The following EDIL3 variants were observed in gnomAD, a reference collection of about 807,000 sequenced individuals.
EDIL3 encodes EGF like and discoidin domains 3, also known as EGF-like repeat and discoidin I-like domain-containing protein 3.
In EDIL3, 37 loss-of-function variants were observed where a neutral mutation model predicts 67.4. That is an observed-to-expected ratio of 0.55 (90% CI 0.42 to 0.72). The LOEUF (loss-of-function observed/expected upper bound fraction) is 0.72, where lower values mean the gene tolerates loss of function less well. Among genes scored for constraint, EDIL3 ranks in the 30% least tolerant of loss-of-function variants. The pLI, the probability that EDIL3 is intolerant of heterozygous loss-of-function variation, is 0.00. For synonymous variants in EDIL3, 195 were observed against 196.3 expected (o/e 0.99, Z 0.05); for missense variants, 527 against 586.3 (o/e 0.90, Z 1.04).
At chr5:84,296,325 A>G (rs1746050325) in intron 1 of EDIL3, among the ~76,000 whole-genome samples, 1 of 152,142 alleles carries the variant, frequency 6.6e-6, no homozygotes, top group Non-Finnish European at 1.5e-5. Flanking sequence ...TCAATTTTAG[A>G]TAGGTATTTT....
intron 1 of EDIL3, among the ~76,000 whole-genome samples, chr5:84,380,194 G>C (rs1748045762): frequency 6.6e-6 from 1 of 151,790 alleles, no homozygotes; most frequent in South Asian, 2.1e-4. Context: ...TCATTACATG[G>C]ACTATGATAA....
chr5:84,061,600 C>A (rs1264714846), intron 8 of EDIL3, among the ~76,000 whole-genome samples: 1 of 152,124 alleles, frequency 6.6e-6, no homozygotes, highest in Non-Finnish European at 1.5e-5. Flanking sequence ...AGCTGTGTAG[C>A]CTTGCCCTGT....
chr5:84,267,862 C>T (rs910543229), intron 1 of EDIL3, among the ~76,000 whole-genome samples: 1 of 152,226 alleles, frequency 6.6e-6, no homozygotes, highest in Admixed American at 6.5e-5. Flanking sequence ...AAAGGCCAGG[C>T]TCTGTGGCTC....
At chr5:84,254,310 CA>C in intron 1 of EDIL3, 98 bp from the exon 2 acceptor site, 2 of 1,326,912 alleles carry the variant, frequency 1.5e-6, no homozygotes, top group Non-Finnish European at 2.0e-6. Flanking sequence ...TTGGCAAAGT[CA>C]AAAGTCAGGG....
intron 4 of EDIL3, among the ~76,000 whole-genome samples, chr5:84,173,077 G>T (rs542798022): frequency 1.3e-5 from 2 of 152,296 alleles, no homozygotes; most frequent in Admixed American, 1.3e-4. Flanking sequence ...CAGAAGATAG[G>T]ATCTGAGAAG....
At chr5:84,104,403 AG>A (rs1173196964) in intron 6 of EDIL3, among the ~76,000 whole-genome samples, 3 of 152,004 alleles carry the variant, frequency 2.0e-5, no homozygotes, top group African/African-American at 7.2e-5. Flanking sequence ...AAAAAAAAAA[AG>A]AAAATTGGTA....
intron 1 of EDIL3, among the ~76,000 whole-genome samples, chr5:84,271,934 A>T (rs982311162): frequency 1.3e-5 from 2 of 152,138 alleles, no homozygotes; most frequent in Middle Eastern, 3.2e-3. Flanking sequence ...TTTTCTCAGA[A>T]GATTTTCTCG....
At chr5:84,196,281 A>T (rs571231631) in intron 3 of EDIL3, among the ~76,000 whole-genome samples, 1 of 152,120 alleles carries the variant, frequency 6.6e-6, no homozygotes, top group Admixed American at 6.6e-5. Context: ...CTTTGATTAC[A>T]GGGAACTGGC....
At chr5:84,107,373 T>C (rs1012464874) in intron 5 of EDIL3, among the ~76,000 whole-genome samples, 2 of 151,966 alleles carry the variant, frequency 1.3e-5, no homozygotes, top group Non-Finnish European at 2.9e-5. Flanking sequence ...GGTAAATCTG[T>C]TAACATTTAA....
At chr5:84,175,062 G>A (rs1168261322) in intron 4 of EDIL3, among the ~76,000 whole-genome samples, 7 of 152,074 alleles carry the variant, frequency 4.6e-5, no homozygotes, top group African/African-American at 7.2e-5. Context: ...TTCTGTAGGC[G>A]GTGGCAGTTC....
intron 2 of EDIL3, among the ~76,000 whole-genome samples, chr5:84,251,598 T>C (rs1432239819): frequency 6.6e-6 from 1 of 152,106 alleles, no homozygotes; most frequent in Non-Finnish European, 1.5e-5. Context: ...CAAGAAAATA[T>C]GAAGCTAAGA....
intron 1 of EDIL3, among the ~76,000 whole-genome samples, chr5:84,340,690 T>A (rs1371528517): frequency 6.6e-6 from 1 of 151,568 alleles, no homozygotes; most frequent in Non-Finnish European, 1.5e-5. Context: ...CATTGTTCCC[T>A]CACACCTGCA....
At chr5:84,011,672 C>T (rs545399867) in intron 9 of EDIL3, among the ~76,000 whole-genome samples, 17 of 152,264 alleles carry the variant, frequency 1.1e-4, no homozygotes, top group South Asian at 4.1e-4. Context: ...CTGACTTTCT[C>T]GCACTGCTCT....
intron 1 of EDIL3, among the ~76,000 whole-genome samples, chr5:84,265,693 T>C (rs1025933759): frequency 1.2e-4 from 18 of 152,346 alleles, no homozygotes; most frequent in African/African-American, 4.3e-4. Context: ...CAAATCACTT[T>C]GATAAGGCAC....
rs189354970 is a variant in EDIL3 at position 84,019,096 on chromosome 5, A to G, written c.1137+41204T>C. On this transcript the variant is annotated intron_variant, in intron 9 of 10. Coordinates refer to ENST00000296591, the MANE Select transcript of EDIL3 (RefSeq NM_005711.5). ...TGCTGCTATAAAGACACATGCACACATATGTTTATTGCGGCACTATTCAGA... is the reference window on the plus strand; with the variant it reads ...TGCTGCTATAAAGACACATGCACACGTATGTTTATTGCGGCACTATTCAGA... Among the ~76,000 whole-genome samples, 322 of 152,262 alleles carry G rather than the reference A, an allele frequency of 2.1e-3. 1 individual carries two copies. Among genetic ancestry groups the G allele is most frequent in the African/African-American group, 7.6e-3 (314 of 41,552 alleles).
chr5:84,239,254 A>G (rs557303015), intron 2 of EDIL3, among the ~76,000 whole-genome samples: 28 of 152,276 alleles, frequency 1.8e-4, no homozygotes, highest in African/African-American at 6.5e-4. Flanking sequence ...CCTACTCTTG[A>G]TAAACTCAAA....
intron 9 of EDIL3, among the ~76,000 whole-genome samples, chr5:84,021,780 C>T (rs1316471589): frequency 6.6e-6 from 1 of 151,874 alleles, no homozygotes; most frequent in Non-Finnish European, 1.5e-5. Flanking sequence ...CAACTACATG[C>T]TAACAAACTC....
intron 9 of EDIL3, among the ~76,000 whole-genome samples, chr5:84,056,339 G>GA (rs1746446972): frequency 6.6e-6 from 1 of 151,904 alleles, no homozygotes; most frequent in African/African-American, 2.4e-5. Flanking sequence ...GGTGAGGGGG[G>GA]AGGTATACCA....
At chr5:84,154,328 T>C (rs922734631) in intron 4 of EDIL3, among the ~76,000 whole-genome samples, 2 of 152,156 alleles carry the variant, frequency 1.3e-5, no homozygotes, top group African/African-American at 4.8e-5. Context: ...CATTAATTCC[T>C]CAATATCTTG....
Sources: gnomAD v4.1 joint callset for allele counts (sites outside exome capture counted in the v4.1 genomes callset) on GRCh38, gnomAD v4.1.1 for gene constraint, MANE v1.5 for transcripts, NCBI Gene and HGNC (gene_info 2026-07-23, HGNC 2026-07-21) for gene names.